The following KCNH1 variants were observed in gnomAD, a reference collection of about 807,000 sequenced individuals.
KCNH1 encodes the protein potassium voltage-gated channel subfamily H member 1.
KCNH1 carries 27 observed loss-of-function variants against 69.2 expected under a neutral mutation model. That is an observed-to-expected ratio of 0.39 (90% CI 0.29 to 0.54). KCNH1 has a LOEUF of 0.54. Ranked by LOEUF, KCNH1 falls within the 20% of genes least tolerant of loss-of-function variation. The pLI is 0.68. For synonymous variants in KCNH1, 456 were observed against 487.7 expected (o/e 0.93, Z 0.86); for missense variants, 798 against 1,261.6 (o/e 0.63, Z 5.57).
In KCNH1 at chr1:211,049,756, T is replaced by G. The variant is rs1378192691; in HGVS notation, c.559-30500A>C. Among the ~76,000 whole-genome samples the G allele has an allele frequency of 2.0e-5, 3 of 151,494 alleles. No individual in the cohort carries two copies. In the South Asian group the frequency reaches 6.3e-4, roughly 32 times the overall value. On this transcript the variant is annotated intron_variant, in intron 5 of 10. Coordinates refer to ENST00000271751, the MANE Select transcript of KCNH1 (RefSeq NM_172362.3). ...AAAGACACAGGCTTGAACTGGGGAG[T>G]AACATTAGACAAAATTGTCAACAAA...
At chr1:211,024,004 A>G (rs773183448) in intron 5 of KCNH1, among the ~76,000 whole-genome samples, 1 of 152,178 alleles carries the variant, frequency 6.6e-6, no homozygotes, top group Non-Finnish European at 1.5e-5. Flanking sequence ...AATTACCCCA[A>G]TTTCATCATT....
intron 1 of KCNH1, among the ~76,000 whole-genome samples, chr1:211,112,516 A>AC (rs71134655): frequency 0.047 from 6,961 of 146,730 alleles, 300 homozygotes; most frequent in East Asian, 0.18. Flanking sequence ...AAAAAAAAAA[A>AC]AAAAAAACAA....
At chr1:210,907,286 C>T (rs565261290) in intron 7 of KCNH1, among the ~76,000 whole-genome samples, 2 of 152,178 alleles carry the variant, frequency 1.3e-5, no homozygotes, top group African/African-American at 4.8e-5. Context: ...AGAAATTGTA[C>T]CCAGTGGGGA....
At chr1:211,123,428 A>G (rs1436543826) in intron 1 of KCNH1, among the ~76,000 whole-genome samples, 1 of 152,206 alleles carries the variant, frequency 6.6e-6, no homozygotes, top group African/African-American at 2.4e-5. Flanking sequence ...GGGAGCATCT[A>G]TGAGGCCATT....
At chr1:210,718,169 A>G (rs1682309810) in intron 10 of KCNH1, among the ~76,000 whole-genome samples, 2 of 147,392 alleles carry the variant, frequency 1.4e-5, no homozygotes, top group Non-Finnish European at 1.5e-5. Context: ...TTAATGTTTT[A>G]TTTAACATAA....
intron 6 of KCNH1, among the ~76,000 whole-genome samples, chr1:210,958,824 A>C (rs1330021162): frequency 6.6e-6 from 1 of 152,068 alleles, no homozygotes; most frequent in Non-Finnish European, 1.5e-5. Context: ...CCTTTTTTCA[A>C]GGTTTTTAGC....
chr1:210,894,122 C>T (rs1604373), intron 7 of KCNH1, among the ~76,000 whole-genome samples: 33 of 152,108 alleles, frequency 2.2e-4, no homozygotes, highest in African/African-American at 8.0e-4. Context: ...CTTAATTGGT[C>T]ATTTTTATTG....
intron 1 of KCNH1, among the ~76,000 whole-genome samples, chr1:211,123,467 C>T (rs1035702496): frequency 6.6e-6 from 1 of 152,096 alleles, no homozygotes; most frequent in African/African-American, 2.4e-5. Context: ...GAAAGACAGG[C>T]AGATGGGCAG....
At chr1:210,791,057 T>C (rs1684201864) in intron 9 of KCNH1, among the ~76,000 whole-genome samples, 1 of 152,192 alleles carries the variant, frequency 6.6e-6, no homozygotes, top group Admixed American at 6.5e-5. Flanking sequence ...ACCTCAACTG[T>C]CCAAACCTTG....
At position 210,919,021 on chromosome 1, in the gene KCNH1, TGACATGTAG is replaced by T. The variant is rs3040159; in HGVS notation, c.1462+610_1462+618del. 66,064 of 151,602 alleles carry T rather than the reference TGACATGTAG, an allele frequency of 0.44. 14,771 individuals are homozygous for T. Among genetic ancestry groups the T allele is most frequent in the African/African-American group, 0.52 (21,417 of 41,264 alleles). The allele number at this position is 151,602 out of a possible 1,614,324, so 9.4% of individuals were successfully genotyped here. On this transcript the variant is annotated intron_variant, in intron 7 of 10. Coordinates refer to ENST00000271751, the MANE Select transcript of KCNH1 (RefSeq NM_172362.3). The surrounding 1 kb of genome is among the most constrained non-coding windows in gnomAD (Gnocchi z 4.2). ...TGCCAAGCTACAGCTATGTTCAAAT[TGACATGTAG>T]GACATGTAGCATGACGGCTATAGTT...
At chr1:211,067,690 T>C (rs1204500564) in intron 5 of KCNH1, among the ~76,000 whole-genome samples, 1 of 152,112 alleles carries the variant, frequency 6.6e-6, no homozygotes, top group Non-Finnish European at 1.5e-5. Context: ...GATTTCAGCA[T>C]CCCCTACCCG....
chr1:210,855,457 G>T (rs532271297), intron 7 of KCNH1, among the ~76,000 whole-genome samples: 1 of 152,192 alleles, frequency 6.6e-6, no homozygotes, highest in South Asian at 2.1e-4. Flanking sequence ...ATGGCTACAG[G>T]GACCACCTGA....
intron 10 of KCNH1, among the ~76,000 whole-genome samples, chr1:210,755,447 C>T (rs1417883998): frequency 6.6e-6 from 1 of 152,176 alleles, no homozygotes; most frequent in Non-Finnish European, 1.5e-5. Context: ...GGCAGCTCTC[C>T]AACTGTCTCA....
chr1:210,716,927 G>T (rs1196678392), intron 10 of KCNH1, among the ~76,000 whole-genome samples: 1 of 152,172 alleles, frequency 6.6e-6, no homozygotes. Flanking sequence ...ACAAACCCAT[G>T]TGTGACCCTC....
At chr1:210,859,120 A>G in intron 7 of KCNH1, 3 of 1,059,660 alleles carry the variant, frequency 2.8e-6, no homozygotes, top group Non-Finnish European at 4.4e-6. Context: ...AACCACTACT[A>G]GGAGGAACAC....
intron 7 of KCNH1, among the ~76,000 whole-genome samples, chr1:210,832,099 C>T (rs1356604283): frequency 1.3e-5 from 2 of 152,238 alleles, no homozygotes; most frequent in African/African-American, 4.8e-5. Context: ...AGATAAACAG[C>T]CCTTGCTTTT....
intron 6 of KCNH1, among the ~76,000 whole-genome samples, chr1:210,960,882 G>C (rs1459174330): frequency 2.6e-5 from 4 of 152,168 alleles, no homozygotes; most frequent in Admixed American, 6.5e-5. Flanking sequence ...ATGTAGGAGA[G>C]TTCTGGTTCC....
At chr1:210,900,619 A>G (rs1686975034) in intron 7 of KCNH1, among the ~76,000 whole-genome samples, 2 of 152,146 alleles carry the variant, frequency 1.3e-5, no homozygotes, top group African/African-American at 2.4e-5. Context: ...ATTCAGTGCA[A>G]TTAGCCACCT....
At chr1:211,101,642 T>C (rs1444679774) in intron 3 of KCNH1, among the ~76,000 whole-genome samples, 1 of 152,144 alleles carries the variant, frequency 6.6e-6, no homozygotes, top group African/African-American at 2.4e-5. Flanking sequence ...CACTTCCCCC[T>C]AAGCAGGGTA....
Sources: gnomAD v4.1 joint callset for allele counts (sites outside exome capture counted in the v4.1 genomes callset) on GRCh38, gnomAD v4.1.1 for gene constraint, Gnocchi (gnomAD v3.1) non-coding constraint, MANE v1.5 for transcripts, NCBI Gene and HGNC (gene_info 2026-07-23, HGNC 2026-07-21) for gene names.